The following FXYD1 variants were observed in gnomAD, a reference collection of about 807,000 sequenced individuals.
FXYD1 encodes the protein FXYD domain containing ion transport regulator 1, also known as phospholemman.
A neutral mutation model predicts 17.2 loss-of-function variants in FXYD1; 9 were observed. That is an observed-to-expected ratio of 0.52 (90% CI 0.32 to 0.91). FXYD1 has a LOEUF of 0.91. Ranked by LOEUF, FXYD1 falls within the 40% of genes least tolerant of loss-of-function variation. FXYD1 has a pLI of 0.04. For missense variants in FXYD1, 113 were observed against 120.6 expected (o/e 0.94, Z 0.29); for synonymous variants, 55 against 45.8 (o/e 1.20, Z -0.81).
At position 35,142,997 on chromosome 19, in the gene FXYD1, C is replaced by A; in HGVS notation, c.*110C>A. On this transcript the variant is annotated 3_prime_UTR_variant, in exon 8 of 8. Coordinates refer to ENST00000351325, the MANE Select transcript of FXYD1 (RefSeq NM_021902.4). The stretch of plus-strand genomic sequence containing the variant: ...CCGCCGCCCCTTCCCCAGCCCTGCC[C>A]CCGCAGACTCCCCCTGCCGCCAAGA... 1.7e-6 allele frequency: 1 copy of A among 579,382 alleles called. No individual in the cohort carries two copies. Among genetic ancestry groups the A allele is most frequent in the South Asian group, 2.0e-5 (1 of 49,062 alleles). The allele number at this position is 579,382 out of a possible 1,614,324, so 35.9% of individuals were successfully genotyped here.
chr19:35,140,988 C>G (rs2065246504), intron 3 of FXYD1, 144 bp from the exon 4 acceptor site: 3 of 634,862 alleles, frequency 4.7e-6, no homozygotes, highest in Admixed American at 2.3e-5. Flanking sequence ...TTTCCTCCTC[C>G]CATATCTGCT....
chr19:35,140,231 T>G, intron 2 of FXYD1, 91 bp downstream of exon 2: 2 of 794,798 alleles, frequency 2.5e-6, no homozygotes, highest in East Asian at 2.4e-5. Flanking sequence ...CAACCTAGAC[T>G]AAGTCGGCTG....
At chr19:35,142,223 C>T in intron 5 of FXYD1, 1 of 446,804 alleles carries the variant, frequency 2.2e-6, no homozygotes, top group Non-Finnish European at 3.9e-6. Context: ...ACTATCCCTC[C>T]CCCACCAACT....
intron 6 of FXYD1, 89 bp from the exon 7 acceptor site, chr19:35,142,631 G>A (rs1401066578): frequency 5.8e-6 from 9 of 1,543,640 alleles, no homozygotes; most frequent in Non-Finnish European, 8.0e-6. Flanking sequence ...GAAAGCGGAG[G>A]GCGGGGAGTT....
chr19:35,140,024 C>T, intron 1 of FXYD1, 52 bp from the exon 2 acceptor site: 2 of 1,539,940 alleles, frequency 1.3e-6, no homozygotes, highest in Non-Finnish European at 9.0e-7. Context: ...GGTTCAAGCC[C>T]TATGTGGGAG....
intron 3 of FXYD1, 102 bp downstream of exon 3, chr19:35,140,731 GT>G (rs1211136950): frequency 3.3e-6 from 3 of 908,304 alleles, no homozygotes; most frequent in Non-Finnish European, 5.4e-6. Flanking sequence ...TGATATCTCT[GT>G]CATTCTCCTT....
upstream of FXYD1, chr19:35,138,447 G>A (rs1266718400): frequency 2.0e-5 from 3 of 152,278 alleles, no homozygotes; most frequent in Non-Finnish European, 4.4e-5. Flanking sequence ...ACGGAGCACT[G>A]GGATCGGGGG....
At chr19:35,140,680 G>A in intron 3 of FXYD1, 51 bp downstream of exon 3, 1 of 1,503,690 alleles carries the variant, frequency 6.7e-7, no homozygotes, top group Non-Finnish European at 9.3e-7. Context: ...GGCTTTGCTG[G>A]TCCTTTGATT....
At chr19:35,142,657 C>T in intron 6 of FXYD1, 63 bp from the exon 7 acceptor site, 1 of 1,582,194 alleles carries the variant, frequency 6.3e-7, no homozygotes, top group Non-Finnish European at 8.7e-7. Context: ...GCCGCGGGCC[C>T]CACCTGCCCA....
chr19:35,142,748 C>T lies in FXYD1; in HGVS notation c.*6C>T. 6.2e-7 allele frequency: 1 copy of T among 1,613,364 alleles called. No individual in the cohort carries two copies. Among genetic ancestry groups the T allele is most frequent in the Non-Finnish European group, 8.5e-7 (1 of 1,179,592 alleles). ...TGTCCACCCGCAGGCGGTAGAAACACCTGGAGCGATGGAATCCGGCCAGGT... is the reference window on the plus strand; with the variant it reads ...TGTCCACCCGCAGGCGGTAGAAACATCTGGAGCGATGGAATCCGGCCAGGT... On this transcript the variant is annotated 3_prime_UTR_variant, in exon 7 of 8. Transcript: ENST00000351325.
At position 35,140,136 on chromosome 19, in the gene FXYD1, G is replaced by A; in HGVS notation, c.57G>A (p.Lys19=). 5.1e-6 allele frequency: 8 copies of A among 1,558,732 alleles called. No homozygotes were observed. The highest frequency in any genetic ancestry group is 2.2e-5 in the East Asian group (1 of 44,606). ...GTGTGGGTCTCCTCACCATGGCCAAGGCAGGTGAGTGCAGGGGAGGCTGCC... is the reference window on the plus strand; with the variant it reads ...GTGTGGGTCTCCTCACCATGGCCAAAGCAGGTGAGTGCAGGGGAGGCTGCC... The part of the protein sequence containing the change: ...VFCVGLLTMA[K]AESPKEHDPF... Residue 19 remains lysine, a synonymous_variant, in exon 2 of 8, where the codon AAG becomes AAA. Transcript: ENST00000351325.
intron 3 of FXYD1, 83 bp from the exon 4 acceptor site, chr19:35,141,049 T>C (rs1259496237): frequency 1.2e-6 from 1 of 834,702 alleles, no homozygotes; most frequent in Non-Finnish European, 2.1e-6. Flanking sequence ...CCTTTCTCCC[T>C]GTTCCCTCCT....
intron 1 of FXYD1, chr19:35,139,801 G>T (rs1346512348): frequency 1.5e-5 from 6 of 389,826 alleles, no homozygotes; most frequent in Non-Finnish European, 2.4e-5. Context: ...GCTGCGGGAG[G>T]TGGAGGCCCA....
intron 4 of FXYD1, 102 bp from the exon 5 acceptor site, chr19:35,141,429 CCCCGT>C (rs2065254032): frequency 1.0e-6 from 1 of 960,194 alleles, no homozygotes; most frequent in East Asian, 2.6e-5. Flanking sequence ...TCTAGCCCCG[CCCCGT>C]CCCCCAAGCC....
intron 4 of FXYD1, 35 bp from the exon 5 acceptor site, chr19:35,141,501 G>A (rs377404435): frequency 2.7e-5 from 43 of 1,588,570 alleles, no homozygotes; most frequent in Non-Finnish European, 3.6e-5. Context: ...CGCCGGGAGG[G>A]AGCCTCAGCT....
intron 1 of FXYD1, 42 bp from the exon 2 acceptor site, chr19:35,140,034 G>A: frequency 5.7e-6 from 9 of 1,583,388 alleles, no homozygotes; most frequent in South Asian, 1.1e-5. Flanking sequence ...CTATGTGGGA[G>A]AGCAAGGGCA....
chr19:35,141,082 TCTCCCTCCTGTC>T, intron 3 of FXYD1, 38 bp from the exon 4 acceptor site: 2 of 1,148,092 alleles, frequency 1.7e-6, no homozygotes, highest in Non-Finnish European at 2.6e-6. Flanking sequence ...CCTCTCCTAT[TCTCCCTCCTGTC>T]TTCCCTGCCC....
In FXYD1 at chr19:35,142,415, A is replaced by G. The variant is rs115949809; in HGVS notation, c.207-57A>G. The G allele has an allele frequency of 1.1e-4, 156 of 1,368,978 alleles. No homozygotes were observed. The African/African-American group carries it at 2.0e-3, about 18-fold the overall frequency. The allele number at this position is 1,368,978 out of a possible 1,614,324, so 84.8% of individuals were successfully genotyped here. On this transcript the variant is annotated intron_variant, in intron 5 of 7. Coordinates refer to ENST00000351325, the MANE Select transcript of FXYD1 (RefSeq NM_021902.4). Reference sequence around the variant, plus strand: ...AGGAGGCTTGTACTGGGGGGTTCCTAGAAGGGCAGCCTCTCCCCCTTTCCA... The same window carrying G: ...AGGAGGCTTGTACTGGGGGGTTCCTGGAAGGGCAGCCTCTCCCCCTTTCCA...
At position 35,142,765 on chromosome 19, in the gene FXYD1, C is replaced by T. The variant is rs1358447848; in HGVS notation, c.*23C>T. 8 of 1,610,288 alleles carry T rather than the reference C, an allele frequency of 5.0e-6. No individual in the cohort carries two copies. The highest frequency in any genetic ancestry group is 6.8e-6 in the Non-Finnish European group (8 of 1,177,098). On this transcript the variant is annotated 3_prime_UTR_variant, in exon 7 of 8. Coordinates refer to ENST00000351325, the MANE Select transcript of FXYD1 (RefSeq NM_021902.4). The stretch of plus-strand genomic sequence containing the variant: ...TAGAAACACCTGGAGCGATGGAATC[C>T]GGCCAGGTGCTGCAGCTCTGACACG...
Sources: allele counts gnomAD v4.1 joint callset, GRCh38; gene constraint gnomAD v4.1.1; transcripts MANE v1.5; gene names NCBI Gene and HGNC (gene_info 2026-07-23, HGNC 2026-07-21).